PHTF2: variants seen among roughly 807,000 people sequenced by gnomAD.
The protein encoded by PHTF2 is putative homeodomain transcription factor 2, also known as protein PHTF2.
PHTF2 carries 60 observed loss-of-function variants against 101.2 expected under a neutral mutation model. The observed-to-expected ratio is 0.59, with a 90% CI of 0.48 to 0.73. PHTF2 has a LOEUF of 0.73. Among genes scored for constraint, PHTF2 ranks in the 30% least tolerant of loss-of-function variants. The pLI is 0.00. For synonymous variants in PHTF2, 311 were observed against 307.3 expected (o/e 1.01, Z -0.13); for missense variants, 747 against 908.7 (o/e 0.82, Z 2.29).
chr7:77,864,649 A>G (rs1371342464), intron 3 of PHTF2, among the ~76,000 whole-genome samples: 5 of 151,972 alleles, frequency 3.3e-5, no homozygotes, highest in African/African-American at 9.7e-5. Context: ...GTTGCTCCTT[A>G]AAACTCAAAG....
intron 3 of PHTF2, among the ~76,000 whole-genome samples, chr7:77,857,940 C>T (rs748442531): frequency 2.0e-5 from 3 of 152,172 alleles, no homozygotes; most frequent in Non-Finnish European, 4.4e-5. Context: ...AAAAAATTCT[C>T]ATGAGGCTTA....
chr7:77,867,102 A>G (rs955440940), intron 3 of PHTF2, among the ~76,000 whole-genome samples: 2 of 152,216 alleles, frequency 1.3e-5, no homozygotes, highest in African/African-American at 4.8e-5. Flanking sequence ...GATTAATAAT[A>G]CTAATTATTT....
At chr7:77,800,025 G>A (rs966507566) in intron 1 of PHTF2, among the ~76,000 whole-genome samples, 6 of 151,806 alleles carry the variant, frequency 4.0e-5, no homozygotes, top group African/African-American at 1.2e-4. Context: ...CAAGACTTTG[G>A]CAAGAGACTT....
At chr7:77,820,920 T>C (rs1794236285) in intron 1 of PHTF2, among the ~76,000 whole-genome samples, 1 of 152,192 alleles carries the variant, frequency 6.6e-6, no homozygotes, top group African/African-American at 2.4e-5. Context: ...CTTTATCAAC[T>C]CTACTGGTGA....
intron 12 of PHTF2, among the ~76,000 whole-genome samples, chr7:77,933,577 A>G (rs1804806404): frequency 6.6e-6 from 1 of 152,212 alleles, no homozygotes. Context: ...CCATGAAAGC[A>G]TAGGGTGTTG....
chr7:77,909,169 C>CTTT (rs200836381), intron 8 of PHTF2: 74 of 317,766 alleles, frequency 2.3e-4, no homozygotes, highest in South Asian at 3.4e-4. Flanking sequence ...GTTTTTGTTT[C>CTTT]TTTTTTTTTT....
chr7:77,915,635 AT>A, intron 9 of PHTF2, among the ~76,000 whole-genome samples: 1 of 152,276 alleles, frequency 6.6e-6, no homozygotes. Context: ...ATCTTAATTT[AT>A]TCTTCATAAC....
At chr7:77,830,960 A>G (rs1014666082) in intron 1 of PHTF2, among the ~76,000 whole-genome samples, 4 of 152,248 alleles carry the variant, frequency 2.6e-5, no homozygotes, top group African/African-American at 4.8e-5. Flanking sequence ...AAACATTACT[A>G]GAGAGCTTCT....
At chr7:77,887,340 C>G (rs1240268742) in intron 3 of PHTF2, among the ~76,000 whole-genome samples, 1 of 151,864 alleles carries the variant, frequency 6.6e-6, no homozygotes, top group Non-Finnish European at 1.5e-5. Flanking sequence ...TTACTAAATT[C>G]CAGTATCTCA....
intron 16 of PHTF2, among the ~76,000 whole-genome samples, chr7:77,945,230 C>T (rs545443449): frequency 7.2e-5 from 11 of 152,078 alleles, no homozygotes; most frequent in African/African-American, 1.2e-4. Context: ...CGCAGCTGCT[C>T]GGGAGGATGA....
chr7:77,947,287 C>T (rs1025267203), intron 16 of PHTF2, among the ~76,000 whole-genome samples: 1 of 152,048 alleles, frequency 6.6e-6, no homozygotes, highest in Non-Finnish European at 1.5e-5. Context: ...TGAGGCTGAG[C>T]GCGGTGGCTC....
intron 1 of PHTF2, among the ~76,000 whole-genome samples, chr7:77,812,849 A>G (rs1793554230): frequency 6.6e-6 from 1 of 152,178 alleles, no homozygotes; most frequent in South Asian, 2.1e-4. Flanking sequence ...TTGGCCTCCC[A>G]AAGTGCTGGG....
Position 77,819,057 on chromosome 7 carries a change from G to T in PHTF2, c.-36+20086G>T, listed in dbSNP as rs193123179. Among the ~76,000 whole-genome samples, 1,441 of 152,238 alleles carry T rather than the reference G, an allele frequency of 9.5e-3. 57 individuals are homozygous for T. Among genetic ancestry groups the T allele is most frequent in the Admixed American group, 0.075 (1,144 of 15,290 alleles). ...TCAGCTAGTTGATTGTTTGTGTTTAGAAATGCTACTGATTTGTGAATATTG... is the reference window on the plus strand; with the variant it reads ...TCAGCTAGTTGATTGTTTGTGTTTATAAATGCTACTGATTTGTGAATATTG... On this transcript the variant is annotated intron_variant, in intron 1 of 19. Transcript: ENST00000416283.
intron 3 of PHTF2, among the ~76,000 whole-genome samples, chr7:77,884,492 A>C (rs1337616030): frequency 6.6e-6 from 1 of 152,008 alleles, no homozygotes; most frequent in Non-Finnish European, 1.5e-5. Flanking sequence ...ATGGTATTTG[A>C]TTTTCCATTC....
Position 77,925,495 on chromosome 7 carries a change from G to GTTTTTTTTTTTTTTTTTTTTTTTTTT in PHTF2, c.1119+2723_1119+2748dup, listed in dbSNP as rs58290945. Reference sequence around the variant, plus strand: ...GCAATTATAGGCAATAGTTTTTAGGGTTTTTTTTTTTTTTTTTTTTTTTTT... The same window carrying GTTTTTTTTTTTTTTTTTTTTTTTTTT: ...GCAATTATAGGCAATAGTTTTTAGGGTTTTTTTTTTTTTTTTTTTTTTTTTTTTTTTTTTTTTTTTTTTTTTTTTTT... On this transcript the variant is annotated intron_variant, in intron 11 of 19. Coordinates refer to ENST00000416283, the Ensembl canonical transcript of PHTF2. Among the ~76,000 whole-genome samples the GTTTTTTTTTTTTTTTTTTTTTTTTTT allele has an allele frequency of 1.8e-4, 13 of 73,166 alleles. 2 individuals are homozygous for GTTTTTTTTTTTTTTTTTTTTTTTTTT. The highest frequency in any genetic ancestry group is 6.4e-4 in the African/African-American group (11 of 17,300). The allele number at this position is 73,166 out of a possible 152,430, so 48.0% of individuals were successfully genotyped here.
At chr7:77,841,074 A>AATTTTTTTT (rs1562863302) in intron 2 of PHTF2, among the ~76,000 whole-genome samples, 2 of 51,386 alleles carry the variant, frequency 3.9e-5, no homozygotes, top group African/African-American at 1.8e-4. Flanking sequence ...GAAAAAACAG[A>AATTTTTTTT]CTTTTTTTTT....
At chr7:77,841,709 A>G (rs1795901571) in intron 2 of PHTF2, among the ~76,000 whole-genome samples, 1 of 152,196 alleles carries the variant, frequency 6.6e-6, no homozygotes, top group Admixed American at 6.5e-5. Context: ...AAGTATTGAT[A>G]TTGATATACT....
chr7:77,860,724 T>C (rs973528103), intron 3 of PHTF2, among the ~76,000 whole-genome samples: 1 of 152,352 alleles, frequency 6.6e-6, no homozygotes, highest in Admixed American at 6.5e-5. Context: ...ATTGCTCTTT[T>C]TTTTTGAGGC....
At chr7:77,913,112 G>A (rs1000723504) in intron 9 of PHTF2, among the ~76,000 whole-genome samples, 7 of 152,088 alleles carry the variant, frequency 4.6e-5, no homozygotes, top group African/African-American at 1.7e-4. Context: ...TAGAGGCTGG[G>A]CACGGTGGCT....
Sources: gnomAD v4.1 joint callset for allele counts (sites outside exome capture counted in the v4.1 genomes callset) on GRCh38, gnomAD v4.1.1 for gene constraint, MANE v1.5 for transcripts, NCBI Gene and HGNC (gene_info 2026-07-23, HGNC 2026-07-21) for gene names.